Variants in FRMPD1 observed in about 807,000 individuals in gnomAD.
FRMPD1 encodes the protein FERM and PDZ domain-containing protein 1.
Under a neutral mutation model 117.8 loss-of-function variants are expected in FRMPD1, and 76 were observed. That is an observed-to-expected ratio of 0.65 (90% CI 0.54 to 0.78). FRMPD1 has a LOEUF of 0.78. Among genes scored for constraint, FRMPD1 ranks in the 30% least tolerant of loss-of-function variants. The pLI is 0.00. For synonymous variants in FRMPD1, 783 were observed against 770.4 expected, an observed-to-expected ratio of 1.02 and a Z score of -0.27; for missense variants, 1,786 against 1,964.5, an observed-to-expected ratio of 0.91 and a Z score of 1.72.
At chr9:37,604,004 T>A in the FRMPD1 span, among the ~76,000 whole-genome samples, 2 of 152,218 alleles carry the variant, frequency 1.3e-5, no homozygotes, top group Non-Finnish European at 2.9e-5. Flanking sequence ...TATTTGCTTT[T>A]CACTGAAATT....
chr9:37,659,646 A>T (rs1255933699), intron 1 of FRMPD1, among the ~76,000 whole-genome samples: 1 of 152,154 alleles, frequency 6.6e-6, no homozygotes, highest in Admixed American at 6.5e-5. Context: ...TTAGACTGAG[A>T]TTGGCTCACT....
chr9:37,646,615 A>T (rs931433044), upstream of FRMPD1, among the ~76,000 whole-genome samples: 1 of 152,240 alleles, frequency 6.6e-6, no homozygotes, highest in East Asian at 1.9e-4. Context: ...AAAACACTTA[A>T]AAACATTTAA....
chr9:37,702,096 CT>C (rs1822553916), intron 2 of FRMPD1, among the ~76,000 whole-genome samples: 1 of 152,166 alleles, frequency 6.6e-6, no homozygotes, highest in South Asian at 2.1e-4. Context: ...TAGGGTTGAG[CT>C]ATATATCGAG....
At chr9:37,721,533 G>A (rs926465814) in intron 6 of FRMPD1, among the ~76,000 whole-genome samples, 2 of 152,190 alleles carry the variant, frequency 1.3e-5, no homozygotes, top group African/African-American at 2.4e-5. Flanking sequence ...TGCTGAGAAA[G>A]TAATTATAGT....
Position 37,740,837 on chromosome 9 carries a change from A to T in FRMPD1, c.2309A>T (p.Glu770Val). 1.9e-6 allele frequency: 3 copies of T among 1,614,132 alleles called. No individual in the cohort carries two copies. The highest frequency in any genetic ancestry group is 1.7e-6 in the Non-Finnish European group (2 of 1,180,002). The change falls in exon 15 of 16, where the codon GAA becomes GTA. Residue 770 changes from glutamate to valine, a missense_variant. By Grantham distance (121) the Glu-to-Val change is moderately radical. Transcript: ENST00000377765. The surrounding 1 kb of genome is among the most constrained non-coding windows in gnomAD (Gnocchi z 4.2). ...TTTGAGGATGGCAGCTCAGATGAGG[A>T]ATACTATGACGCGGCTGATAAGCTC... ...LAFEDGSSDE[E>V]YYDAADKLTP...
chr9:37,637,224 G>A, the FRMPD1 span: 4 of 1,610,816 alleles, frequency 2.5e-6, no homozygotes, highest in Non-Finnish European at 3.4e-6. Flanking sequence ...CGCAGGAGCA[G>A]GCATGACTTG....
intron 2 of FRMPD1, among the ~76,000 whole-genome samples, chr9:37,706,893 T>A (rs1048212969): frequency 2.0e-5 from 3 of 152,208 alleles, no homozygotes; most frequent in African/African-American, 7.2e-5. Flanking sequence ...TCCAGCAGTA[T>A]GTCCTGCCTG....
intron 5 of FRMPD1, among the ~76,000 whole-genome samples, chr9:37,715,276 C>G (rs1483137712): frequency 6.6e-6 from 1 of 152,148 alleles, no homozygotes; most frequent in African/African-American, 2.4e-5. Flanking sequence ...CATTATTCCC[C>G]TTTTACAGAT....
intron 5 of FRMPD1, among the ~76,000 whole-genome samples, chr9:37,715,455 A>T (rs549434907): frequency 6.6e-6 from 1 of 152,198 alleles, no homozygotes; most frequent in Non-Finnish European, 1.5e-5. Context: ...GGCAGAGGGT[A>T]TTGCCAAAAG....
In FRMPD1 at chr9:37,661,206, T is replaced by C. The variant is rs181126987; in HGVS notation, c.-5+10112T>C. On this transcript the variant is annotated intron_variant, in intron 1 of 15. Coordinates refer to ENST00000377765, the MANE Select transcript of FRMPD1 (RefSeq NM_014907.3). Reference sequence around the variant, plus strand: ...AACTTGCTAATTCGGTCCAGCTGGCTCTTCTTGGTGCCTTGTAGTCTTAGT... The same window carrying C: ...AACTTGCTAATTCGGTCCAGCTGGCCCTTCTTGGTGCCTTGTAGTCTTAGT... Among the ~76,000 whole-genome samples, 474 of 152,296 alleles carry C rather than the reference T, an allele frequency of 3.1e-3. 2 individuals are homozygous for C. The highest frequency in any genetic ancestry group is 4.1e-3 in the Non-Finnish European group (278 of 68,018).
chr9:37,678,251 CTTTT>C (rs34040451), intron 1 of FRMPD1, among the ~76,000 whole-genome samples: 6,804 of 78,944 alleles, frequency 0.086, 269 homozygotes, highest in East Asian at 0.36. Context: ...GTACTTACCA[CTTTT>C]TTTTTTTTTT....
At chr9:37,607,490 TTC>T in the FRMPD1 span, among the ~76,000 whole-genome samples, 17 of 152,310 alleles carry the variant, frequency 1.1e-4, no homozygotes, top group East Asian at 2.5e-3. Context: ...TTACTGTTCC[TTC>T]TCTCTCTCAC....
At chr9:37,658,460 G>A (rs912853660) in intron 1 of FRMPD1, among the ~76,000 whole-genome samples, 8 of 152,186 alleles carry the variant, frequency 5.3e-5, no homozygotes, top group African/African-American at 1.7e-4. Context: ...TGTAAATGCT[G>A]TAACAAATCA....
At chr9:37,679,418 C>A (rs1821644872) in intron 1 of FRMPD1, among the ~76,000 whole-genome samples, 1 of 152,190 alleles carries the variant, frequency 6.6e-6, no homozygotes, top group Admixed American at 6.5e-5. Flanking sequence ...GCATACAATT[C>A]AGAAGTTTTG....
intron 1 of FRMPD1, among the ~76,000 whole-genome samples, chr9:37,660,722 T>C (rs543417246): frequency 1.3e-5 from 2 of 152,206 alleles, no homozygotes; most frequent in Non-Finnish European, 2.9e-5. Flanking sequence ...TCCTGCACTT[T>C]CATTTCTGCA....
At chr9:37,631,813 A>G in the FRMPD1 span, among the ~76,000 whole-genome samples, 1 of 152,200 alleles carries the variant, frequency 6.6e-6, no homozygotes, top group Non-Finnish European at 1.5e-5. Context: ...TATGTTGCCC[A>G]GGCTGGTCTC....
chr9:37,668,703 A>G (rs1348348246), intron 1 of FRMPD1: 1 of 152,228 alleles, frequency 6.6e-6, no homozygotes, highest in Non-Finnish European at 1.5e-5. Context: ...CATATCTTAA[A>G]AAAAACCTGT....
At chr9:37,635,812 G>A in the FRMPD1 span, among the ~76,000 whole-genome samples, 1 of 152,206 alleles carries the variant, frequency 6.6e-6, no homozygotes. Context: ...AGTAGCGGCA[G>A]GGGATGAGGG....
Position 37,740,253 on chromosome 9 carries a change from C to T in FRMPD1, c.1725C>T (p.Thr575=), listed in dbSNP as rs1200230395. ...AGGTGGCTAGGAGGGGCCCCAGCAC[C>T]TGCGGGGCCAGCAGCACGACAGACA... ...TPEVARRGPS[T]CGASSTTDSA... The change falls in exon 15 of 16, where the codon ACC becomes ACT. Residue 575 remains threonine (T), a synonymous_variant. Transcript: ENST00000377765. This position sits in a 1 kb window ranked among gnomAD's most constrained non-coding sequence, Gnocchi z 4.2. The T allele has an allele frequency of 5.6e-6, 9 of 1,613,868 alleles. No homozygotes were observed. The highest frequency in any genetic ancestry group is 6.8e-6 in the Non-Finnish European group (8 of 1,179,936).
Sources: allele counts gnomAD v4.1 joint callset (sites outside exome capture counted in the v4.1 genomes callset), GRCh38; gene constraint gnomAD v4.1.1; non-coding constraint Gnocchi (gnomAD v3.1); transcripts MANE v1.5; gene names NCBI Gene and HGNC (gene_info 2026-07-23, HGNC 2026-07-21).